Variants in ECE1 observed in about 807,000 individuals in gnomAD.
ECE1 encodes the protein endothelin-converting enzyme 1.
A neutral mutation model predicts 98.6 loss-of-function variants in ECE1; 35 were observed. The ratio of observed to expected loss-of-function variants is 0.35; its 90% CI spans 0.27 to 0.47. The LOEUF (loss-of-function observed/expected upper bound fraction) is 0.47. Among genes scored for constraint, ECE1 ranks in the 20% least tolerant of loss-of-function variants. The pLI is 1.00. For missense variants in ECE1, 814 were observed against 1,025.3 expected (o/e 0.79, Z 2.81); for synonymous variants, 394 against 407.1 (o/e 0.97, Z 0.39).
At chr1:21,309,784 T>TTA (rs1314169266) in intron 1 of ECE1, among the ~76,000 whole-genome samples, 1 of 101,244 alleles carries the variant, frequency 9.9e-6, no homozygotes, top group African/African-American at 5.5e-5. Context: ...TTTTCTTTCT[T>TTA]TTTTTTTTTT....
chr1:21,320,392 A>G (rs1328220029), intron 1 of ECE1, among the ~76,000 whole-genome samples: 1 of 151,312 alleles, frequency 6.6e-6, no homozygotes, highest in African/African-American at 2.5e-5. Context: ...TGCAGGGCTC[A>G]TGGAAGGTGC....
At chr1:21,304,672 C>T (rs565642333) in intron 1 of ECE1, among the ~76,000 whole-genome samples, 109 of 152,310 alleles carry the variant, frequency 7.2e-4, no homozygotes, top group African/African-American at 2.6e-3. Context: ...TGGAAGGGCA[C>T]ATGAGGGAAT....
rs997018409 is a variant in ECE1, at chr1:21,236,076, T to C, written c.1489-149A>G. 1.0e-4 allele frequency: 81 copies of C among 786,176 alleles called. No individual in the cohort carries two copies. In the Admixed American group the frequency reaches 1.5e-3, roughly 15 times the overall value. The allele number at this position is 786,176 out of a possible 1,614,324, so 48.7% of individuals were successfully genotyped here. ...GCTTTCATGTCTTTTTCTGGAAAGG[T>C]TTCCCCCTTGCAAAACTTCTACTTA... On this transcript the variant is annotated intron_variant, in intron 12 of 18. Coordinates refer to ENST00000374893, the MANE Select transcript of ECE1 (RefSeq NM_001397.3).
intron 1 of ECE1, among the ~76,000 whole-genome samples, chr1:21,308,221 G>T (rs1010794044): frequency 7.2e-5 from 11 of 152,258 alleles, no homozygotes; most frequent in African/African-American, 2.6e-4. Context: ...CACTCCCTTT[G>T]CCCCAGCTTT....
At chr1:21,335,698 C>T (rs756298391) in intron 1 of ECE1, among the ~76,000 whole-genome samples, 1 of 152,154 alleles carries the variant, frequency 6.6e-6, no homozygotes, top group African/African-American at 2.4e-5. Context: ...CCCAAATGGT[C>T]CTTCTGCAAG....
chr1:21,246,716 G>A (rs866342948), intron 9 of ECE1, among the ~76,000 whole-genome samples: 35 of 152,080 alleles, frequency 2.3e-4, no homozygotes, highest in African/African-American at 8.2e-4. Context: ...GAGTGCAACA[G>A]TGCAATCACA....
In ECE1 at chr1:21,301,362, C is replaced by T. The variant is rs1183702842; in HGVS notation, c.4-11206G>A. On this transcript the variant is annotated intron_variant, in intron 1 of 18. Transcript: ENST00000415912. Reference sequence around the variant, plus strand: ...ACAAAAAATTAGCTTGGCGAGGTGGCGGGCGCCTGTAGTCCCAGCTACTTG... The same window carrying T: ...ACAAAAAATTAGCTTGGCGAGGTGGTGGGCGCCTGTAGTCCCAGCTACTTG... Among the ~76,000 whole-genome samples the T allele has an allele frequency of 2.6e-5, 4 of 152,110 alleles. No individual in the cohort carries two copies. The East Asian group carries it at 5.8e-4, about 22-fold the overall frequency.
In ECE1 at chr1:21,345,166, C is replaced by A. The variant is rs1639474561; in HGVS notation, c.3+210G>T. On this transcript the variant is annotated intron_variant, in intron 1 of 18. Coordinates refer to the ECE1 transcript ENST00000415912. The surrounding 1 kb of genome is among the most constrained non-coding windows in gnomAD (Gnocchi z 5.1). ...CCAAGCTCGGCGCGGCCGCCCCCGA[C>A]GGGACCAAGCGCAGCGCCGCCGGGA... 5 of 557,584 alleles carry A rather than the reference C, an allele frequency of 9.0e-6. No individual in the cohort carries two copies. In the East Asian group the frequency reaches 2.0e-4, roughly 22 times the overall value. 34.5% of individuals were successfully genotyped at this position (557,584 alleles called of 1,614,324 possible).
intron 7 of ECE1, 116 bp from the exon 8 acceptor site, chr1:21,256,254 T>G: frequency 8.2e-7 from 1 of 1,224,620 alleles, no homozygotes; most frequent in Non-Finnish European, 1.1e-6. Context: ...GGCTGCACAG[T>G]GCCCCCAAGA....
chr1:21,301,393 C>T (rs866234343), intron 1 of ECE1, among the ~76,000 whole-genome samples: 20 of 152,258 alleles, frequency 1.3e-4, no homozygotes, highest in Middle Eastern at 3.4e-3. Flanking sequence ...ACTTGGGAGG[C>T]TGAGGCAGGA....
chr1:21,226,256 C>A (rs1188341977), intron 16 of ECE1, among the ~76,000 whole-genome samples: 1 of 152,202 alleles, frequency 6.6e-6, no homozygotes, highest in Non-Finnish European at 1.5e-5. Flanking sequence ...TGTCCACTCT[C>A]TGCTAAACCT....
intron 11 of ECE1, 112 bp from the exon 12 acceptor site, chr1:21,236,956 G>A (rs551001013): frequency 2.6e-5 from 27 of 1,041,604 alleles, no homozygotes; most frequent in South Asian, 1.5e-4. Flanking sequence ...TTTTCCAAGC[G>A]TCAGGCTGGG....
intron 17 of ECE1, among the ~76,000 whole-genome samples, chr1:21,223,799 T>C (rs2098170378): frequency 6.6e-6 from 1 of 152,070 alleles, no homozygotes; most frequent in Non-Finnish European, 1.5e-5. Context: ...GGTTTCACCA[T>C]GTTGGCCAAG....
intron 3 of ECE1, among the ~76,000 whole-genome samples, chr1:21,276,417 C>T (rs997619725): frequency 5.9e-5 from 9 of 152,142 alleles, no homozygotes; most frequent in African/African-American, 9.7e-5. Context: ...CATTTCTTTC[C>T]GTTGGGACAT....
Position 21,235,668 on chromosome 1 carries a change from C to G in ECE1, c.1566+182G>C, listed in dbSNP as rs797018929. Among the ~76,000 whole-genome samples the G allele has an allele frequency of 2.6e-5, 4 of 152,260 alleles. 1 individual carries two copies. Among genetic ancestry groups the G allele is most frequent in the African/African-American group, 9.6e-5 (4 of 41,556 alleles). ...GCAGGGCCTCCAGCTGACCCAGGAG[C>G]CAAATTAAGAAGAAGAAGAGGCTTC... On this transcript the variant is annotated intron_variant, in intron 13 of 18. Coordinates refer to ENST00000374893, the MANE Select transcript of ECE1 (RefSeq NM_001397.3). This position sits in a 1 kb window ranked among gnomAD's most constrained non-coding sequence, Gnocchi z 4.2.
In ECE1 at chr1:21,220,312, T is replaced by C. The variant is rs923167989; in HGVS notation, c.2137-181A>G. On this transcript the variant is annotated intron_variant, in intron 18 of 18. Coordinates refer to ENST00000374893, the MANE Select transcript of ECE1 (RefSeq NM_001397.3). This position sits in a 1 kb window ranked among gnomAD's most constrained non-coding sequence, Gnocchi z 5.0. The stretch of plus-strand genomic sequence containing the variant: ...GAGTTCATGACCAGCTTGGGCAACA[T>C]GGCAAGACCCCATCTCTACAAAAAA... Among the ~76,000 whole-genome samples, 1 of 151,500 alleles carries C rather than the reference T, an allele frequency of 6.6e-6. No homozygotes were observed.
chr1:21,324,025 T>C (rs927044817), intron 1 of ECE1, among the ~76,000 whole-genome samples: 3 of 152,112 alleles, frequency 2.0e-5, no homozygotes, highest in African/African-American at 7.2e-5. Flanking sequence ...TTTTGCCATG[T>C]TGGTCTGGCT....
intron 5 of ECE1, among the ~76,000 whole-genome samples, chr1:21,259,144 TA>T (rs1316263740): frequency 6.6e-6 from 1 of 152,214 alleles, no homozygotes; most frequent in African/African-American, 2.4e-5. Context: ...ATATTTTGGA[TA>T]ATGAATTGTG....
chr1:21,265,781 G>T (rs2098233144), intron 4 of ECE1, among the ~76,000 whole-genome samples: 1 of 152,140 alleles, frequency 6.6e-6, no homozygotes, highest in Non-Finnish European at 1.5e-5. Flanking sequence ...CCTGGCTCAT[G>T]TTTACTTCCC....
Sources: allele counts gnomAD v4.1 joint callset (sites outside exome capture counted in the v4.1 genomes callset), GRCh38; gene constraint gnomAD v4.1.1; non-coding constraint Gnocchi (gnomAD v3.1); transcripts MANE v1.5; gene names NCBI Gene and HGNC (gene_info 2026-07-23, HGNC 2026-07-21).